ZNF557: variants seen among roughly 807,000 people sequenced by gnomAD.
ZNF557 encodes the protein zinc finger protein 557.
ZNF557 carries 19 observed loss-of-function variants against 21.2 expected under a neutral mutation model. The ratio of observed to expected loss-of-function variants is 0.90; its 90% CI spans 0.63 to 1.32. The LOEUF (loss-of-function observed/expected upper bound fraction) is 1.32. Among genes scored for constraint, ZNF557 ranks in the 40% most tolerant of loss-of-function variants. The pLI, the probability that ZNF557 is intolerant of heterozygous loss-of-function variation, is 0.00. For missense variants in ZNF557, 487 were observed against 519.8 expected, an observed-to-expected ratio of 0.94 and a Z score of 0.61; for synonymous variants, 207 against 194.8, an observed-to-expected ratio of 1.06 and a Z score of -0.52.
At chr19:7,074,939 G>T (rs1024797207) in intron 2 of ZNF557, 57 bp from the exon 3 acceptor site, 22 of 1,443,312 alleles carry the variant, frequency 1.5e-5, no homozygotes, top group Non-Finnish European at 2.1e-5. Flanking sequence ...GGTGACCGAC[G>T]CAGGGCACGG....
intron 5 of ZNF557, among the ~76,000 whole-genome samples, chr19:7,077,000 A>G (rs1334449468): frequency 6.6e-6 from 1 of 152,010 alleles, no homozygotes; most frequent in Admixed American, 6.6e-5. Flanking sequence ...CTCCTGCCTT[A>G]GCTTCCCAAA....
Position 7,081,975 on chromosome 19 carries a change from G to C in ZNF557, c.349G>C (p.Glu117Gln). 1 of 1,612,940 alleles carries C rather than the reference G, an allele frequency of 6.2e-7. No homozygotes were observed. The highest frequency in any genetic ancestry group is 8.5e-7 in the Non-Finnish European group (1 of 1,179,110). Residue 117 changes from glutamate (E) to glutamine (Q), a missense_variant, in exon 7 of 8, where the codon GAG becomes CAG. Glu to Gln is a conservative substitution (Grantham distance 29). Coordinates refer to ENST00000252840, the MANE Select transcript of ZNF557 (RefSeq NM_024341.3). ...TTCTTTTTAACTTGTTTCAGATGTG[G>C]AGAATCCATTTAAAGCCAAAGGGTT... is the stretch of plus-strand genomic sequence containing the variant. ...GILSGTCPDV[E>Q]NPFKAKGLTP...
rs2967647 is a variant in ZNF557, at chr19:7,086,991, C to G, written c.*3247C>G. The G allele has an allele frequency of 0.27, 41,449 of 151,578 alleles. 6,141 individuals carry two copies. The highest frequency in any genetic ancestry group is 0.44 in the South Asian group (2,113 of 4,794). 9.4% of individuals were successfully genotyped at this position (151,578 alleles called of 1,614,324 possible). A position where few individuals can be genotyped will look rare whatever the true frequency, so the allele number is the denominator to read the frequency against. On this transcript the variant is annotated 3_prime_UTR_variant, in exon 8 of 8. Transcript: ENST00000252840. ...TTGCAGTGAGCCGAGATTGCACAAC[C>G]ACACTCCAGCTTGGGCGACAGAGTG...
chr19:7,083,866 G>A lies in ZNF557; in HGVS notation c.*122G>A. On this transcript the variant is annotated 3_prime_UTR_variant, in exon 8 of 8. Coordinates refer to ENST00000252840, the MANE Select transcript of ZNF557 (RefSeq NM_024341.3). ...ACAAATTACCCCCCAAAATTTTGTGGCTTCAAACAAAAACACTTGTTATCT... is the reference window on the plus strand; with the variant it reads ...ACAAATTACCCCCCAAAATTTTGTGACTTCAAACAAAAACACTTGTTATCT... 7 of 1,301,514 alleles carry A rather than the reference G, an allele frequency of 5.4e-6. No individual in the cohort carries two copies. The highest frequency in any genetic ancestry group is 7.4e-6 in the Non-Finnish European group (7 of 947,380). 80.6% of individuals were successfully genotyped at this position (1,301,514 alleles called of 1,614,324 possible).
intron 2 of ZNF557, among the ~76,000 whole-genome samples, chr19:7,073,947 G>A (rs1977516158): frequency 6.6e-6 from 1 of 151,216 alleles, no homozygotes; most frequent in Admixed American, 6.6e-5. Context: ...GTCTCTAACT[G>A]CAGACAGCGC....
chr19:7,075,590 C>G, intron 3 of ZNF557, 65 bp from the exon 4 acceptor site: 1 of 1,534,168 alleles, frequency 6.5e-7, no homozygotes, highest in Admixed American at 1.7e-5. Flanking sequence ...GGTGGGGAAG[C>G]CTCCAGATGT....
Position 7,082,462 on chromosome 19 carries a change from TAAAGG to T in ZNF557, c.427-411_427-407del, listed in dbSNP as rs1043648576. On this transcript the variant is annotated intron_variant, in intron 7 of 7. Transcript: ENST00000252840. The stretch of plus-strand genomic sequence containing the variant: ...AAAAGTGGCTTTATTAAATAGTTAT[TAAAGG>T]AAAGTGTCATTTTTTTCAAAGATAA... 2.5e-4 allele frequency among the ~76,000 whole-genome samples: 38 copies of T among 151,136 alleles called. 1 individual carries two copies. Among genetic ancestry groups the T allele is most frequent in the Middle Eastern group, 3.4e-3 (1 of 292 alleles).
chr19:7,072,436 A>C (rs115008601), intron 2 of ZNF557, among the ~76,000 whole-genome samples: 2,932 of 152,276 alleles, frequency 0.019, 70 homozygotes, highest in African/African-American at 0.065. Flanking sequence ...ATAAATACAT[A>C]AAGATAAATT....
At chr19:7,074,660 G>C (rs931718778) in intron 2 of ZNF557, among the ~76,000 whole-genome samples, 2 of 150,184 alleles carry the variant, frequency 1.3e-5, no homozygotes, top group African/African-American at 2.5e-5. Context: ...TGAAATGAGG[G>C]GTAGTGACAT....
At position 7,070,659 on chromosome 19, in the gene ZNF557, T is replaced by C. The variant is rs140759357; in HGVS notation, c.-80+6T>C. ...GTGGACTTCTGTATGATCAGGTAGG[T>C]ACCGTGTAGAACCTGCAAGTTGCAA... On this transcript the variant is annotated splice_donor_region_variant and intron_variant, in intron 2 of 7. Coordinates refer to ENST00000252840, the MANE Select transcript of ZNF557 (RefSeq NM_024341.3). 1 of 152,172 alleles carries C rather than the reference T, an allele frequency of 6.6e-6. No individual in the cohort carries two copies. The highest frequency in any genetic ancestry group is 1.5e-5 in the Non-Finnish European group (1 of 68,046). The allele number at this position is 152,172 out of a possible 1,614,324, so 9.4% of individuals were successfully genotyped here.
At position 7,083,666 on chromosome 19, in the gene ZNF557, ATG is replaced by A; in HGVS notation, c.1217_1218del (p.Cys406Ter). 3 of 1,614,116 alleles carry A rather than the reference ATG, an allele frequency of 1.9e-6. No individual in the cohort carries two copies. The highest frequency in any genetic ancestry group is 1.3e-5 in the African/African-American group (1 of 75,046). ...RTHTGKKPYE[C>X]NYCGKSFTSN... Reference sequence around the variant, plus strand: ...CTCACACTGGAAAAAAACCCTATGAATGTAATTATTGCGGGAAATCCTTCACA... The same window carrying A: ...CTCACACTGGAAAAAAACCCTATGAATAATTATTGCGGGAAATCCTTCACA... On this transcript the variant is annotated frameshift_variant, in exon 8 of 8. Transcript: ENST00000252840. LOFTEE classifies it low-confidence loss of function (END_TRUNC).
At chr19:7,075,216 A>C (rs1599839594) in intron 3 of ZNF557, 111 bp downstream of exon 3, 1 of 1,445,582 alleles carries the variant, frequency 6.9e-7, no homozygotes, top group South Asian at 1.1e-5. Flanking sequence ...GTGGAGCCCC[A>C]GGGGCCCAGA....
chr19:7,076,605 C>A, intron 5 of ZNF557, 98 bp downstream of exon 5: 1 of 1,507,102 alleles, frequency 6.6e-7, no homozygotes, highest in South Asian at 1.3e-5. Context: ...CAAAAGTCAC[C>A]ATTTAAACTA....
chr19:7,079,487 A>T (rs544462537), intron 5 of ZNF557, among the ~76,000 whole-genome samples: 1 of 151,842 alleles, frequency 6.6e-6, no homozygotes, highest in Non-Finnish European at 1.5e-5. Context: ...TGATCCGCCC[A>T]CCTTGGCCTC....
At chr19:7,076,309 T>C in intron 4 of ZNF557, 72 bp from the exon 5 acceptor site, 2 of 1,613,898 alleles carry the variant, frequency 1.2e-6, no homozygotes, top group Non-Finnish European at 1.7e-6. Flanking sequence ...GGCTCTGTTC[T>C]CCTGGCCCCT....
rs1977420564 is a variant in ZNF557, at chr19:7,069,712, G to C, written c.-233G>C. On this transcript the variant is annotated 5_prime_UTR_variant, in exon 1 of 8. Coordinates refer to ENST00000252840, the MANE Select transcript of ZNF557 (RefSeq NM_024341.3). Reference sequence around the variant, plus strand: ...GCGGAAGCGCGCTTGTGTCTTGTGAGAAGAGCCGCGCTTGCAGCGTCTGGG... The same window carrying C: ...GCGGAAGCGCGCTTGTGTCTTGTGACAAGAGCCGCGCTTGCAGCGTCTGGG... The C allele has an allele frequency of 6.6e-6, 1 of 152,300 alleles. No homozygotes were observed. The highest frequency in any genetic ancestry group is 1.5e-5 in the Non-Finnish European group (1 of 68,070). 9.4% of individuals were successfully genotyped at this position (152,300 alleles called of 1,614,324 possible).
At chr19:7,075,775 A>C (rs1249661126) in intron 4 of ZNF557, 32 bp downstream of exon 4, 1 of 1,608,374 alleles carries the variant, frequency 6.2e-7, no homozygotes. Flanking sequence ...CCAAATCATG[A>C]TTCCTTCAGC....
At chr19:7,070,866 A>T (rs1007489545) in intron 2 of ZNF557, among the ~76,000 whole-genome samples, 1 of 151,836 alleles carries the variant, frequency 6.6e-6, no homozygotes, top group Non-Finnish European at 1.5e-5. Flanking sequence ...CCCAGGTTCA[A>T]GCAGTTCTCC....
intron 2 of ZNF557, among the ~76,000 whole-genome samples, chr19:7,072,039 C>G (rs1412834754): frequency 2.0e-5 from 3 of 149,896 alleles, no homozygotes; most frequent in African/African-American, 7.4e-5. Context: ...TGGCATAAAC[C>G]CGGGAGGTGG....
Sources: gnomAD v4.1 joint callset for allele counts (sites outside exome capture counted in the v4.1 genomes callset) on GRCh38, gnomAD v4.1.1 for gene constraint, MANE v1.5 for transcripts, NCBI Gene and HGNC (gene_info 2026-07-23, HGNC 2026-07-21) for gene names.